STON2: variants seen among roughly 807,000 people sequenced by gnomAD.
STON2 encodes the protein stonin-2.
STON2 carries 29 observed loss-of-function variants against 65.7 expected under a neutral mutation model. That is an observed-to-expected ratio of 0.44 (90% CI 0.33 to 0.60). STON2 has a LOEUF of 0.60. STON2 is among the 20% of genes least tolerant of loss of function. The pLI is 0.03. For missense variants in STON2, 1,054 were observed against 1,118.1 expected (o/e 0.94, Z 0.82); for synonymous variants, 404 against 414.2 (o/e 0.98, Z 0.30).
chr14:81,344,175 C>T (rs189307354), intron 4 of STON2, among the ~76,000 whole-genome samples: 1 of 152,032 alleles, frequency 6.6e-6, no homozygotes, highest in Admixed American at 6.5e-5. Flanking sequence ...AAAAATAGTC[C>T]CCGTAAGATA....
chr14:81,409,431 ATAT>A (rs1262764666), intron 2 of STON2, among the ~76,000 whole-genome samples: 1 of 14,876 alleles, frequency 6.7e-5, no homozygotes, highest in East Asian at 2.4e-3. Flanking sequence ...AAATATAAAA[ATAT>A]ATATATATAT....
intron 6 of STON2, among the ~76,000 whole-genome samples, chr14:81,271,094 T>C (rs1894571474): frequency 6.6e-6 from 1 of 152,146 alleles, no homozygotes; most frequent in African/African-American, 2.4e-5. Flanking sequence ...AGCAGCCTGG[T>C]ATCCTAGCAA....
Position 81,264,680 on chromosome 14 carries a change from T to C in STON2, c.*3734A>G, listed in dbSNP as rs926053183. The stretch of plus-strand genomic sequence containing the variant: ...ATAAAAAATATTTTAAATCAAACAA[T>C]GTTCTCAAGGATTATGAACCCTGCC... On this transcript the variant is annotated 3_prime_UTR_variant, in exon 8 of 8. Coordinates refer to ENST00000614646, the MANE Select transcript of STON2 (RefSeq NM_001394390.1). The C allele has an allele frequency of 1.0e-6, 1 of 985,090 alleles. No individual in the cohort carries two copies. Among genetic ancestry groups the C allele is most frequent in the Non-Finnish European group, 1.2e-6 (1 of 829,782 alleles). 61.0% of individuals were successfully genotyped at this position (985,090 alleles called of 1,614,324 possible).
intron 4 of STON2, among the ~76,000 whole-genome samples, chr14:81,353,971 C>T (rs922914186): frequency 1.3e-5 from 2 of 152,206 alleles, no homozygotes; most frequent in African/African-American, 2.4e-5. Context: ...CACCCCAAGG[C>T]GCCACATGGT....
chr14:81,371,586 T>G (rs1178056928), intron 3 of STON2, among the ~76,000 whole-genome samples: 1 of 149,036 alleles, frequency 6.7e-6, no homozygotes, highest in Non-Finnish European at 1.5e-5. Flanking sequence ...TCCCAGCTAC[T>G]CGGGAGGCTG....
Position 81,264,658 on chromosome 14 carries a change from A to C in STON2, c.*3756T>G. 1.0e-6 allele frequency: 1 copy of C among 985,002 alleles called. No homozygotes were observed. Among genetic ancestry groups the C allele is most frequent in the Non-Finnish European group, 1.2e-6 (1 of 829,504 alleles). 61.0% of individuals were successfully genotyped at this position (985,002 alleles called of 1,614,324 possible). On this transcript the variant is annotated 3_prime_UTR_variant, in exon 8 of 8. Transcript: ENST00000614646. Reference sequence around the variant, plus strand: ...ATAGAAATCAGTCTCATTTCAAATAAAAAATATTTTAAATCAAACAATGTT... The same window carrying C: ...ATAGAAATCAGTCTCATTTCAAATACAAAATATTTTAAATCAAACAATGTT...
At chr14:81,332,876 A>G (rs1897258177) in intron 4 of STON2, 2 of 195,630 alleles carry the variant, frequency 1.0e-5, no homozygotes, top group Admixed American at 1.2e-4. Context: ...CCTGTGAAAA[A>G]TCCACAATGG....
intron 5 of STON2, among the ~76,000 whole-genome samples, chr14:81,316,709 G>C (rs1896633144): frequency 1.3e-5 from 2 of 152,160 alleles, no homozygotes; most frequent in African/African-American, 4.8e-5. Context: ...GAAGACCTGA[G>C]ACTGGGTAAT....
intron 6 of STON2, 70 bp from the exon 7 acceptor site, chr14:81,270,942 A>G: frequency 6.4e-7 from 1 of 1,555,038 alleles, no homozygotes; most frequent in East Asian, 2.3e-5. Context: ...CAAAGGAGCC[A>G]CTTTGGTAAT....
chr14:81,311,378 C>G (rs1041227140), intron 5 of STON2, among the ~76,000 whole-genome samples: 4 of 152,094 alleles, frequency 2.6e-5, no homozygotes, highest in Admixed American at 2.0e-4. Context: ...TGAGAAGCAC[C>G]AGATGTCACA....
chr14:81,285,542 C>T (rs185671627), intron 5 of STON2, among the ~76,000 whole-genome samples: 21 of 152,300 alleles, frequency 1.4e-4, no homozygotes, highest in East Asian at 3.9e-4. Flanking sequence ...TCCGCCTTTG[C>T]CTAAGTGCTC....
At chr14:81,332,676 G>A (rs1055578731) in intron 4 of STON2, among the ~76,000 whole-genome samples, 1 of 152,024 alleles carries the variant, frequency 6.6e-6, no homozygotes, top group African/African-American at 2.4e-5. Flanking sequence ...TTTCAAACAG[G>A]GAAGAAGCTG....
intron 5 of STON2, among the ~76,000 whole-genome samples, chr14:81,306,220 CTTTTTTTTTTTTTTTTTTT>C (rs59730707): frequency 4.3e-5 from 3 of 69,490 alleles, no homozygotes; most frequent in African/African-American, 1.8e-4. Context: ...CATACATACT[CTTTTTTTTTTTTTTTTTTT>C]TTTTTTTTGA....
At chr14:81,428,208 T>C (rs577117166) in intron 1 of STON2, among the ~76,000 whole-genome samples, 1 of 152,324 alleles carries the variant, frequency 6.6e-6, no homozygotes, top group South Asian at 2.1e-4. Context: ...GTTCAAAGTC[T>C]GAAGTAGAGG....
Position 81,277,964 on chromosome 14 carries a change from G to T in STON2, c.1518C>A (p.Ile506=). The T allele has an allele frequency of 6.2e-7, 1 of 1,614,186 alleles. No homozygotes were observed. The highest frequency in any genetic ancestry group is 8.5e-7 in the Non-Finnish European group (1 of 1,180,034). The change falls in exon 6 of 8, where the codon ATC becomes ATA. Residue 506 remains isoleucine (I), a synonymous_variant. Transcript: ENST00000614646. ...AACCAGTGTCTGTCAGTTTGACGAA[G>T]ATCGGTCCCCAGTGCCTGGAGGACA... The part of the protein sequence containing the change: ...NIMSSRHWGP[I]FVKLTDTGYL...
chr14:81,338,050 G>A (rs1195792917), intron 4 of STON2, among the ~76,000 whole-genome samples: 2 of 152,198 alleles, frequency 1.3e-5, no homozygotes, highest in African/African-American at 4.8e-5. Context: ...AGAGGTCATA[G>A]GAGAATCTTC....
intron 5 of STON2, among the ~76,000 whole-genome samples, chr14:81,299,138 G>A (rs935218216): frequency 7.2e-5 from 11 of 152,262 alleles, no homozygotes; most frequent in African/African-American, 2.6e-4. Flanking sequence ...CTAGAATCAT[G>A]GTGGTCACTT....
intron 2 of STON2, among the ~76,000 whole-genome samples, chr14:81,426,363 T>C (rs1901973664): frequency 6.6e-6 from 1 of 152,170 alleles, no homozygotes; most frequent in Admixed American, 6.5e-5. Flanking sequence ...CCAGCTTGAA[T>C]TTCCCAGTGA....
At chr14:81,361,483 T>C (rs531897500) in intron 4 of STON2, among the ~76,000 whole-genome samples, 11 of 152,146 alleles carry the variant, frequency 7.2e-5, no homozygotes, top group African/African-American at 2.2e-4. Flanking sequence ...TCTCACACCA[T>C]ATACAAAATC....
Sources: gnomAD v4.1 joint callset for allele counts (sites outside exome capture counted in the v4.1 genomes callset) on GRCh38, gnomAD v4.1.1 for gene constraint, MANE v1.5 for transcripts, NCBI Gene and HGNC (gene_info 2026-07-23, HGNC 2026-07-21) for gene names.